Variants in RAB5C observed in about 807,000 individuals in gnomAD.
RAB5C encodes ras-related protein Rab-5C.
In RAB5C, 4 loss-of-function variants were observed where a neutral mutation model predicts 25.2. The observed-to-expected ratio is 0.16, with a 90% CI of 0.08 to 0.36. The LOEUF is 0.36. RAB5C is among the 10% of genes least tolerant of loss of function. The pLI, the probability that RAB5C is intolerant of heterozygous loss-of-function variation, is 1.00. For missense variants in RAB5C, 199 were observed against 283.8 expected (o/e 0.70, Z 2.15); for synonymous variants, 100 against 106.4 (o/e 0.94, Z 0.37).
chr17:42,125,385 G>A lies in RAB5C; in HGVS notation c.*398C>T, dbSNP rs1555668479. The A allele has an allele frequency of 6.3e-6, 1 of 159,880 alleles. No homozygotes were observed. The highest frequency in any genetic ancestry group is 1.4e-5 in the Non-Finnish European group (1 of 72,834). 9.9% of individuals were successfully genotyped at this position (159,880 alleles called of 1,614,324 possible). ...CTCCGAACAAAGTGAGGATGTGGAT[G>A]CTCTTGCTGGGTCCGCTGTTCCGCA... On this transcript the variant is annotated 3_prime_UTR_variant, in exon 6 of 6. Coordinates refer to ENST00000346213, the MANE Select transcript of RAB5C (RefSeq NM_004583.4).
chr17:42,126,963 TG>T (rs2054432956), intron 4 of RAB5C, 115 bp from the exon 5 acceptor site: 1 of 616,382 alleles, frequency 1.6e-6, no homozygotes, highest in Non-Finnish European at 2.9e-6. Context: ...AGAGATCAGC[TG>T]GACACACACA....
chr17:42,149,671 G>C (rs530506403), intron 1 of RAB5C, among the ~76,000 whole-genome samples: 4 of 152,258 alleles, frequency 2.6e-5, no homozygotes, highest in South Asian at 4.1e-4. Flanking sequence ...TTACAGGACT[G>C]TTTTAATATT....
At chr17:42,144,637 C>A (rs560923771) in intron 1 of RAB5C, among the ~76,000 whole-genome samples, 8 of 150,918 alleles carry the variant, frequency 5.3e-5, no homozygotes, top group African/African-American at 1.9e-4. Flanking sequence ...CATGGTGAAA[C>A]CCCATCTCAG....
chr17:42,149,686 C>T (rs891038338), intron 1 of RAB5C, among the ~76,000 whole-genome samples: 12 of 152,116 alleles, frequency 7.9e-5, no homozygotes, highest in African/African-American at 1.7e-4. Context: ...AATATTAAAA[C>T]GCTTACAACT....
intron 1 of RAB5C, among the ~76,000 whole-genome samples, chr17:42,139,726 C>T (rs2144081864): frequency 6.6e-6 from 1 of 152,320 alleles, no homozygotes; most frequent in Admixed American, 6.5e-5. Context: ...TTCTCTACTC[C>T]TGTCTAGGGC....
Position 42,125,705 on chromosome 17 carries a change from A to T in RAB5C, c.*78T>A. On this transcript the variant is annotated 3_prime_UTR_variant, in exon 6 of 6. Transcript: ENST00000346213. ...CCCCCCAGTGGTGGCCCGAGTCGTT[A>T]AGTGCGATTGGTTAGAGTGGATTCC... 9.9e-7 allele frequency: 1 copy of T among 1,015,210 alleles called. No individual in the cohort carries two copies. Among genetic ancestry groups the T allele is most frequent in the Non-Finnish European group, 1.5e-6 (1 of 679,200 alleles). The allele number at this position is 1,015,210 out of a possible 1,614,324, so 62.9% of individuals were successfully genotyped here. A position where few individuals can be genotyped will look rare whatever the true frequency, so the allele number is the denominator to read the frequency against.
intron 1 of RAB5C, among the ~76,000 whole-genome samples, chr17:42,131,016 A>G (rs958221029): frequency 6.6e-6 from 1 of 152,210 alleles, no homozygotes. Flanking sequence ...ATTTAGATCA[A>G]TAATGAAGTT....
chr17:42,144,223 G>A (rs541928753), intron 1 of RAB5C, among the ~76,000 whole-genome samples: 4 of 151,966 alleles, frequency 2.6e-5, no homozygotes, highest in South Asian at 4.2e-4. Flanking sequence ...TTGGGAGGCC[G>A]AGGCAGGTGG....
chr17:42,139,982 C>G (rs1006150785), intron 1 of RAB5C, among the ~76,000 whole-genome samples: 1 of 152,200 alleles, frequency 6.6e-6, no homozygotes, highest in African/African-American at 2.4e-5. Flanking sequence ...CAGGCAGTTA[C>G]TATTTAGCTA....
chr17:42,130,021 C>T (rs1038672693), intron 2 of RAB5C: 1 of 270,374 alleles, frequency 3.7e-6, no homozygotes, highest in Non-Finnish European at 7.0e-6. Context: ...CCTCAAAGAT[C>T]CAGAGTCAGC....
chr17:42,131,876 C>G (rs2054490051), intron 1 of RAB5C: 1 of 428,296 alleles, frequency 2.3e-6, no homozygotes, highest in African/African-American at 2.0e-5. Context: ...TGTCAACAGA[C>G]ATCAGAATAT....
At chr17:42,130,713 T>C in intron 1 of RAB5C, 123 bp from the exon 2 acceptor site, 1 of 1,245,324 alleles carries the variant, frequency 8.0e-7, no homozygotes, top group Non-Finnish European at 1.1e-6. Flanking sequence ...TCCCCTCACC[T>C]CACCTCCCTG....
intron 4 of RAB5C, 76 bp from the exon 5 acceptor site, chr17:42,126,924 C>G: frequency 1.1e-6 from 1 of 935,106 alleles, no homozygotes; most frequent in East Asian, 2.5e-5. Context: ...AGGATACAAA[C>G]CTTCCTTATT....
At chr17:42,135,913 A>G (rs934906993) in intron 1 of RAB5C, among the ~76,000 whole-genome samples, 1 of 152,182 alleles carries the variant, frequency 6.6e-6, no homozygotes, top group Admixed American at 6.5e-5. Flanking sequence ...ACTGTTGACC[A>G]GGGCAGGCGG....
chr17:42,135,150 T>C (rs1257240936), intron 1 of RAB5C, among the ~76,000 whole-genome samples: 1 of 151,884 alleles, frequency 6.6e-6, no homozygotes, highest in East Asian at 1.9e-4. Flanking sequence ...CCCGGCTAAA[T>C]TTTTGTGTAT....
intron 1 of RAB5C, among the ~76,000 whole-genome samples, chr17:42,130,876 A>G (rs1466539123): frequency 6.6e-6 from 1 of 152,114 alleles, no homozygotes; most frequent in Non-Finnish European, 1.5e-5. Flanking sequence ...AAATATGTAC[A>G]TTCACCTACA....
At chr17:42,143,615 G>A (rs2079615133) in intron 1 of RAB5C, among the ~76,000 whole-genome samples, 1 of 150,228 alleles carries the variant, frequency 6.7e-6, no homozygotes, top group African/African-American at 2.5e-5. Flanking sequence ...CCAGCCTGGG[G>A]GACAGAGTGA....
Position 42,125,562 on chromosome 17 carries a change from A to T in RAB5C, c.*221T>A. On this transcript the variant is annotated 3_prime_UTR_variant, in exon 6 of 6. Coordinates refer to ENST00000346213, the MANE Select transcript of RAB5C (RefSeq NM_004583.4). ...GAGCAGAAGATCATATATATTAAAA[A>T]AGTGACTTAAGACTTAAAATTGAAT... The T allele has an allele frequency of 1.9e-6, 1 of 530,346 alleles. No individual in the cohort carries two copies. The allele number at this position is 530,346 out of a possible 1,614,324, so 32.9% of individuals were successfully genotyped here. A position where few individuals can be genotyped will look rare whatever the true frequency, so the allele number is the denominator to read the frequency against.
rs78472691 is a variant in RAB5C, at chr17:42,126,842, G to C, written c.448C>G (p.Gln150Glu). 22 of 1,609,042 alleles carry C rather than the reference G, an allele frequency of 1.4e-5. No homozygotes were observed. Among genetic ancestry groups the C allele is most frequent in the Non-Finnish European group, 1.8e-5 (21 of 1,176,208 alleles). ...AAACTGTTGTCGTCTGCATAGGCTT[G>C]TGCTTCCTGGTTTGGATGGAGGTGA... is the stretch of plus-strand genomic sequence containing the variant. The part of the protein sequence containing the change: ...SKRAVEFQEA[Q>E]AYADDNSLLF... The change falls in exon 5 of 6, where the codon CAA becomes GAA. Residue 150 changes from glutamine to glutamate, a missense_variant. Around this residue, in one of 3 missense-constraint regions of RAB5C, gnomAD observed 154 missense variants for 199.6 expected, o/e 0.77. Coordinates refer to ENST00000346213, the MANE Select transcript of RAB5C (RefSeq NM_004583.4).
Sources: allele counts gnomAD v4.1 joint callset (sites outside exome capture counted in the v4.1 genomes callset), GRCh38; gene constraint gnomAD v4.1.1; regional missense constraint gnomAD v4.1.1; transcripts MANE v1.5; gene names NCBI Gene and HGNC (gene_info 2026-07-23, HGNC 2026-07-21).